Variants in FNDC3A observed in about 807,000 individuals in gnomAD.
The protein encoded by FNDC3A is fibronectin type III domain containing 3A.
A neutral mutation model predicts 148.9 loss-of-function variants in FNDC3A; 32 were observed. The ratio of observed to expected loss-of-function variants is 0.21; its 90% CI spans 0.16 to 0.29. FNDC3A has a LOEUF of 0.29. Ranked by LOEUF, FNDC3A falls within the 10% of genes least tolerant of loss-of-function variation. The pLI, the probability that FNDC3A is intolerant of heterozygous loss-of-function variation, is 1.00. For synonymous variants in FNDC3A, 472 were observed against 473.6 expected (o/e 1.00, Z 0.04); for missense variants, 1,191 against 1,452.8 (o/e 0.82, Z 2.93).
chr13:49,058,536 A>G (rs1017473440), intron 2 of FNDC3A, among the ~76,000 whole-genome samples: 5 of 152,122 alleles, frequency 3.3e-5, no homozygotes, highest in African/African-American at 1.2e-4. Context: ...GGAAATTTGG[A>G]CACACAAAGG....
intron 6 of FNDC3A, 54 bp downstream of exon 6, chr13:49,136,655 C>G: frequency 6.5e-7 from 1 of 1,532,596 alleles, no homozygotes; most frequent in South Asian, 1.2e-5. Flanking sequence ...CGTGATTTAA[C>G]CTACTAAAAG....
At chr13:49,179,131 T>C (rs1885178778) in intron 14 of FNDC3A, among the ~76,000 whole-genome samples, 1 of 152,248 alleles carries the variant, frequency 6.6e-6, no homozygotes, top group African/African-American at 2.4e-5. Flanking sequence ...TACTTTGTTA[T>C]ATAGCGGTGC....
chr13:48,976,004 C>T lies in FNDC3A; in HGVS notation c.-213C>T. 2 of 153,246 alleles carry T rather than the reference C, an allele frequency of 1.3e-5. No homozygotes were observed. Among genetic ancestry groups the T allele is most frequent in the Non-Finnish European group, 2.9e-5 (2 of 68,890 alleles). 9.5% of individuals were successfully genotyped at this position (153,246 alleles called of 1,614,324 possible). A position where few individuals can be genotyped will look rare whatever the true frequency, so the allele number is the denominator to read the frequency against. ...AGCTACGCGGAGAGGGAGCGAAGAG[C>T]GGGGCTGAGGCGGCGGCGTCACTGC... On this transcript the variant is annotated 5_prime_UTR_variant, in exon 1 of 26. Coordinates refer to ENST00000492622, the MANE Select transcript of FNDC3A (RefSeq NM_001079673.2).
intron 8 of FNDC3A, among the ~76,000 whole-genome samples, chr13:49,159,970 A>T (rs566529358): frequency 6.6e-6 from 1 of 152,216 alleles, no homozygotes. Context: ...GATGAAGCCA[A>T]CTTGATCATG....
At chr13:48,977,782 T>C (rs1296059714) in intron 1 of FNDC3A, among the ~76,000 whole-genome samples, 1 of 152,196 alleles carries the variant, frequency 6.6e-6, no homozygotes, top group Non-Finnish European at 1.5e-5. Context: ...AAAATTTTAA[T>C]ATTAAATCTT....
chr13:49,045,230 T>A (rs1875298718), intron 2 of FNDC3A, among the ~76,000 whole-genome samples: 2 of 152,058 alleles, frequency 1.3e-5, no homozygotes, highest in Non-Finnish European at 2.9e-5. Context: ...CTCGACTAAC[T>A]GCAACCTCTG....
intron 2 of FNDC3A, among the ~76,000 whole-genome samples, chr13:49,010,530 C>T (rs116025573): frequency 0.012 from 1,782 of 152,158 alleles, 32 homozygotes; most frequent in African/African-American, 0.04. Context: ...TGGATGCCAA[C>T]GGACAAATAA....
rs994532565 is a variant in FNDC3A, at chr13:49,136,435, A to G, written c.594A>G (p.Lys198=). ...TGAAGGATCGCCAAGGAACACAGAAAGATAAAATGAGCAGTCCACCATCAT... is the reference window on the plus strand; with the variant it reads ...TGAAGGATCGCCAAGGAACACAGAAGGATAAAATGAGCAGTCCACCATCAT... The part of the protein sequence containing the change: ...KKLKDRQGTQ[K]DKMSSPPSSP... The change falls in exon 6 of 26, where the codon AAA becomes AAG. Residue 198 remains lysine (K), a synonymous_variant. Transcript: ENST00000492622. 1.2e-6 allele frequency: 2 copies of G among 1,614,164 alleles called. No individual in the cohort carries two copies. The highest frequency in any genetic ancestry group is 2.2e-5 in the East Asian group (1 of 44,874).
At chr13:49,070,881 C>CTTTTTTTTTTTTTTTTTTTTT (rs758290861) in intron 2 of FNDC3A, among the ~76,000 whole-genome samples, 63 of 120,914 alleles carry the variant, frequency 5.2e-4, no homozygotes, top group Middle Eastern at 5.1e-3. Flanking sequence ...AACAGGATTT[C>CTTTTTTTTTTTTTTTTTTTTT]TTTTTTTTTT....
chr13:49,170,244 G>A (rs1390378042), intron 10 of FNDC3A, among the ~76,000 whole-genome samples: 1 of 152,062 alleles, frequency 6.6e-6, no homozygotes, highest in Non-Finnish European at 1.5e-5. Flanking sequence ...CCTCAGAGTC[G>A]GGAGGATTAA....
intron 1 of FNDC3A, among the ~76,000 whole-genome samples, chr13:49,002,327 A>G (rs1483760017): frequency 6.6e-6 from 1 of 152,126 alleles, no homozygotes; most frequent in Non-Finnish European, 1.5e-5. Flanking sequence ...ATGTTGAGGT[A>G]TATTTCTTCT....
At chr13:49,117,772 C>T (rs1403451355) in intron 4 of FNDC3A, among the ~76,000 whole-genome samples, 2 of 152,094 alleles carry the variant, frequency 1.3e-5, no homozygotes, top group Non-Finnish European at 2.9e-5. Context: ...AGTACTACAC[C>T]GTTTTATATC....
intron 2 of FNDC3A, among the ~76,000 whole-genome samples, chr13:49,017,239 G>A (rs1029181945): frequency 2.0e-5 from 3 of 152,108 alleles, no homozygotes; most frequent in Non-Finnish European, 4.4e-5. Flanking sequence ...GGGAGTCTAA[G>A]TCTCTTTGTA....
chr13:48,982,255 T>G (rs1199551547), intron 1 of FNDC3A, among the ~76,000 whole-genome samples: 1 of 152,148 alleles, frequency 6.6e-6, no homozygotes, highest in African/African-American at 2.4e-5. Flanking sequence ...TTTCTAAATT[T>G]TTTTTGTTTT....
chr13:49,180,098 A>G (rs1396239402), intron 14 of FNDC3A, among the ~76,000 whole-genome samples: 2 of 152,210 alleles, frequency 1.3e-5, no homozygotes, highest in Non-Finnish European at 1.5e-5. Flanking sequence ...TTTAAAAATC[A>G]TGAGTTCACA....
chr13:48,984,808 C>T (rs895309202), intron 1 of FNDC3A, among the ~76,000 whole-genome samples: 1 of 152,112 alleles, frequency 6.6e-6, no homozygotes, highest in Non-Finnish European at 1.5e-5. Flanking sequence ...CCTCAGCCTC[C>T]CAAGTAGCTG....
At chr13:49,051,438 T>C (rs1875835419) in intron 2 of FNDC3A, among the ~76,000 whole-genome samples, 1 of 152,210 alleles carries the variant, frequency 6.6e-6, no homozygotes, top group African/African-American at 2.4e-5. Context: ...TGAAACTTAG[T>C]TTTACTGGAT....
Position 49,070,881 on chromosome 13 carries a change from C to CTTT in FNDC3A, c.100-4398_100-4396dup, listed in dbSNP as rs758290861. Among the ~76,000 whole-genome samples, 297 of 120,906 alleles carry CTTT rather than the reference C, an allele frequency of 2.5e-3. 3 individuals carry two copies. Among genetic ancestry groups the CTTT allele is most frequent in the Non-Finnish European group, 3.2e-3 (188 of 58,778 alleles). The allele number at this position is 120,906 out of a possible 152,430, so 79.3% of individuals were successfully genotyped here. A position where few individuals can be genotyped will look rare whatever the true frequency, so the allele number is the denominator to read the frequency against. On this transcript the variant is annotated intron_variant, in intron 2 of 25. Transcript: ENST00000492622. ...CATTTTGCCACAGATAACAGGATTT[C>CTTT]TTTTTTTTTTTTGTTTTGTTTTTTT...
chr13:49,108,574 A>G (rs764673275), intron 3 of FNDC3A, among the ~76,000 whole-genome samples: 27 of 151,968 alleles, frequency 1.8e-4, no homozygotes, highest in Non-Finnish European at 3.8e-4. Flanking sequence ...TTATAATGGA[A>G]AAAAACTTTC....
Sources: gnomAD v4.1 joint callset for allele counts (sites outside exome capture counted in the v4.1 genomes callset) on GRCh38, gnomAD v4.1.1 for gene constraint, MANE v1.5 for transcripts, NCBI Gene and HGNC (gene_info 2026-07-23, HGNC 2026-07-21) for gene names.